Variants in GABRB1 observed in about 807,000 individuals in gnomAD.
The protein encoded by GABRB1 is gamma-aminobutyric acid type A receptor subunit beta1, also known as gamma-aminobutyric acid receptor subunit beta-1.
A neutral mutation model predicts 51.6 loss-of-function variants in GABRB1; 17 were observed. The observed-to-expected ratio is 0.33, with a 90% CI of 0.23 to 0.49. GABRB1 has a LOEUF of 0.49. Ranked by LOEUF, GABRB1 falls within the 20% of genes least tolerant of loss-of-function variation. The pLI, the probability that GABRB1 is intolerant of heterozygous loss-of-function variation, is 0.99. For missense variants in GABRB1, 410 were observed against 600.6 expected, an observed-to-expected ratio of 0.68 and a Z score of 3.32; for synonymous variants, 247 against 218.9, an observed-to-expected ratio of 1.13 and a Z score of -1.14.
intron 4 of GABRB1, 39 bp downstream of exon 4, chr4:47,161,508 G>C (rs1717954951): frequency 6.4e-7 from 1 of 1,552,434 alleles, no homozygotes; most frequent in Non-Finnish European, 8.9e-7. Context: ...TGTTGTTGTT[G>C]TTTTGTTTCA....
At position 47,111,928 on chromosome 4, in the gene GABRB1, C is replaced by T. The variant is rs188608376; in HGVS notation, c.241-49321C>T. Among the ~76,000 whole-genome samples, 6 of 150,748 alleles carry T rather than the reference C, an allele frequency of 4.0e-5. No individual in the cohort carries two copies. The East Asian group carries it at 9.7e-4, about 24-fold the overall frequency. ...AATATCATTTGACACATTAAAGGTC[C>T]TATTTTCTCTTGCTTTCCTTCATGA... On this transcript the variant is annotated intron_variant, in intron 3 of 8. Coordinates refer to ENST00000295454, the MANE Select transcript of GABRB1 (RefSeq NM_000812.4).
In GABRB1 at chr4:47,147,960, G is replaced by T. The variant is rs562817030; in HGVS notation, c.241-13289G>T. On this transcript the variant is annotated intron_variant, in intron 3 of 8. Transcript: ENST00000295454. ...AGGAGCTACAGCAAATTTAACCTTGGGAGCAACATGATCATATTTGCAATT... is the reference window on the plus strand; with the variant it reads ...AGGAGCTACAGCAAATTTAACCTTGTGAGCAACATGATCATATTTGCAATT... Among the ~76,000 whole-genome samples the T allele has an allele frequency of 1.9e-3, 289 of 152,026 alleles. 4 individuals are homozygous for T. Among genetic ancestry groups the T allele is most frequent in the South Asian group, 9.1e-3 (44 of 4,816 alleles).
intron 3 of GABRB1, among the ~76,000 whole-genome samples, chr4:47,142,129 G>C (rs1351508961): frequency 6.6e-6 from 1 of 151,812 alleles, no homozygotes; most frequent in Non-Finnish European, 1.5e-5. Flanking sequence ...GGTAAGCCGA[G>C]GGTGCTCTAA....
At chr4:47,023,490 C>T (rs1330420256) in intron 1 of GABRB1, among the ~76,000 whole-genome samples, 1 of 151,802 alleles carries the variant, frequency 6.6e-6, no homozygotes, top group Non-Finnish European at 1.5e-5. Flanking sequence ...AAAGTTTTGT[C>T]ATTTCATGAT....
At chr4:47,253,694 A>G (rs1722077041) in intron 4 of GABRB1, among the ~76,000 whole-genome samples, 1 of 152,234 alleles carries the variant, frequency 6.6e-6, no homozygotes, top group South Asian at 2.1e-4. Context: ...AAATTAAGAT[A>G]ATTAAATAAA....
chr4:47,112,250 G>T (rs1449205082), intron 3 of GABRB1, among the ~76,000 whole-genome samples: 2 of 152,074 alleles, frequency 1.3e-5, no homozygotes, highest in Non-Finnish European at 2.9e-5. Context: ...CCTACTTAAA[G>T]ATATTGGGCC....
intron 8 of GABRB1, among the ~76,000 whole-genome samples, chr4:47,422,442 G>A (rs1729118709): frequency 1.3e-5 from 2 of 152,046 alleles, no homozygotes; most frequent in South Asian, 4.1e-4. Flanking sequence ...TTAACCCCTT[G>A]CAATCCAGGT....
chr4:47,088,754 G>T (rs558634879), intron 3 of GABRB1, among the ~76,000 whole-genome samples: 1 of 152,076 alleles, frequency 6.6e-6, no homozygotes, highest in South Asian at 2.1e-4. Context: ...CTCTTCCAAA[G>T]ACCATGCTGT....
intron 7 of GABRB1, among the ~76,000 whole-genome samples, chr4:47,405,119 C>G (rs1011285547): frequency 1.3e-5 from 2 of 152,152 alleles, no homozygotes; most frequent in Non-Finnish European, 2.9e-5. Flanking sequence ...CTGTGAAGCA[C>G]ATTAGCTAGA....
At chr4:47,061,235 T>C (rs1372631934) in intron 3 of GABRB1, among the ~76,000 whole-genome samples, 2 of 152,148 alleles carry the variant, frequency 1.3e-5, no homozygotes, top group African/African-American at 2.4e-5. Context: ...TTCTTTTTTT[T>C]CCCCCATCCA....
Position 47,151,466 on chromosome 4 carries a change from C to G in GABRB1, c.241-9783C>G, listed in dbSNP as rs1717449340. On this transcript the variant is annotated intron_variant, in intron 3 of 8. Transcript: ENST00000295454. Reference sequence around the variant, plus strand: ...ATATAAACTTGATTTAATTCAGATTCATATATCCTTTCTCAATTTAGCTTG... The same window carrying G: ...ATATAAACTTGATTTAATTCAGATTGATATATCCTTTCTCAATTTAGCTTG... Among the ~76,000 whole-genome samples the G allele has an allele frequency of 2.0e-5, 3 of 152,106 alleles. No homozygotes were observed. The South Asian group carries it at 6.2e-4, about 32-fold the overall frequency.
chr4:47,073,746 G>A (rs1256323456), intron 3 of GABRB1, among the ~76,000 whole-genome samples: 1 of 152,122 alleles, frequency 6.6e-6, no homozygotes, highest in African/African-American at 2.4e-5. Flanking sequence ...ATCTCTTCTG[G>A]CACTCATGCA....
chr4:47,387,444 C>T (rs1169065351), intron 5 of GABRB1, among the ~76,000 whole-genome samples: 4 of 152,168 alleles, frequency 2.6e-5, no homozygotes, highest in Non-Finnish European at 2.9e-5. Context: ...TGCACTCCAG[C>T]CTGGGCCACA....
chr4:47,377,586 C>T (rs572036383), intron 5 of GABRB1, among the ~76,000 whole-genome samples: 3 of 151,958 alleles, frequency 2.0e-5, no homozygotes, highest in East Asian at 3.9e-4. Flanking sequence ...GGGACCCAAG[C>T]GGGTTGCCAC....
chr4:47,065,125 G>A (rs952265115), intron 3 of GABRB1, among the ~76,000 whole-genome samples: 1 of 152,142 alleles, frequency 6.6e-6, no homozygotes, highest in Non-Finnish European at 1.5e-5. Flanking sequence ...TTTGAATGCC[G>A]TTCCCATGGT....
chr4:47,286,525 C>T (rs554636022), intron 4 of GABRB1, among the ~76,000 whole-genome samples: 17 of 152,144 alleles, frequency 1.1e-4, no homozygotes, highest in Admixed American at 2.6e-4. Context: ...GCTCCTGCTA[C>T]GCCAGAACAC....
chr4:47,407,200 T>C (rs1396586421), intron 8 of GABRB1, among the ~76,000 whole-genome samples: 1 of 152,190 alleles, frequency 6.6e-6, no homozygotes, highest in Non-Finnish European at 1.5e-5. Flanking sequence ...TAATGCTAGA[T>C]TTGCATGGTA....
chr4:47,411,207 T>C (rs1728749523), intron 8 of GABRB1, among the ~76,000 whole-genome samples: 1 of 152,204 alleles, frequency 6.6e-6, no homozygotes, highest in African/African-American at 2.4e-5. Flanking sequence ...TAGTGTATTT[T>C]AAAGTTCATA....
chr4:47,161,445 A>G lies in GABRB1; in HGVS notation c.437A>G (p.Asp146Gly). 6.2e-7 allele frequency: 1 copy of G among 1,612,264 alleles called. No individual in the cohort carries two copies. The highest frequency in any genetic ancestry group is 8.5e-7 in the Non-Finnish European group (1 of 1,178,826). ...VKNRMIRLHP[D>G]GTVLYGLRIT... ...AATCGAATGATTCGACTGCATCCTG[A>G]TGGAACAGTTCTCTATGGACTCCGG... The change falls in exon 4 of 9, where the codon GAT becomes GGT. Residue 146 changes from aspartate to glycine, a missense_variant. Asp to Gly is a moderately conservative substitution (Grantham distance 94). Coordinates refer to ENST00000295454, the MANE Select transcript of GABRB1 (RefSeq NM_000812.4).
Sources: allele counts gnomAD v4.1 joint callset (sites outside exome capture counted in the v4.1 genomes callset), GRCh38; gene constraint gnomAD v4.1.1; transcripts MANE v1.5; gene names NCBI Gene and HGNC (gene_info 2026-07-23, HGNC 2026-07-21).